ADAMTS17: variants seen among roughly 807,000 people sequenced by gnomAD.
The protein encoded by ADAMTS17 is A disintegrin and metalloproteinase with thrombospondin motifs 17.
Under a neutral mutation model 141.5 loss-of-function variants are expected in ADAMTS17, and 113 were observed. That is an observed-to-expected ratio of 0.80 (90% CI 0.69 to 0.93). The LOEUF is 0.93. ADAMTS17 is among the 40% of genes least tolerant of loss of function. The probability of loss-of-function intolerance (pLI) is 0.00; values close to 1 mark genes in which losing one functional copy is unlikely to be tolerated. For synonymous variants in ADAMTS17, 768 were observed against 630.6 expected (o/e 1.22, Z -3.27); for missense variants, 1,659 against 1,517.9 (o/e 1.09, Z -1.54).
At chr15:100,292,580 GAC>G (rs2142134179) in intron 3 of ADAMTS17, among the ~76,000 whole-genome samples, 1 of 152,310 alleles carries the variant, frequency 6.6e-6, no homozygotes, top group South Asian at 2.1e-4. Context: ...AATTATGAGA[GAC>G]ACTAACCCCG....
intron 10 of ADAMTS17, among the ~76,000 whole-genome samples, chr15:100,147,769 T>A (rs1481547512): frequency 6.6e-6 from 1 of 152,208 alleles, no homozygotes; most frequent in Non-Finnish European, 1.5e-5. Context: ...TAAACTAATG[T>A]ATTAGTTTCC....
intron 3 of ADAMTS17, among the ~76,000 whole-genome samples, chr15:100,330,333 G>A (rs1433779789): frequency 6.6e-6 from 1 of 152,162 alleles, no homozygotes; most frequent in Admixed American, 6.5e-5. Context: ...AAATCCCCTG[G>A]AGGACCCGTG....
chr15:100,188,817 C>G (rs936198047), intron 8 of ADAMTS17, among the ~76,000 whole-genome samples: 2 of 152,208 alleles, frequency 1.3e-5, no homozygotes, highest in Admixed American at 6.5e-5. Flanking sequence ...ACTGCACAGG[C>G]AGCAAACAAA....
At chr15:100,121,038 A>T (rs994679918) in intron 12 of ADAMTS17, among the ~76,000 whole-genome samples, 19 of 152,258 alleles carry the variant, frequency 1.2e-4, no homozygotes, top group African/African-American at 4.6e-4. Context: ...AAGAAAACAA[A>T]GATAAATTTT....
intron 10 of ADAMTS17, among the ~76,000 whole-genome samples, chr15:100,135,307 A>G (rs1473746218): frequency 7.3e-5 from 11 of 150,566 alleles, no homozygotes; most frequent in African/African-American, 2.7e-4. Flanking sequence ...TTTTTGAGAC[A>G]GAGTCTCGCT....
chr15:99,997,318 C>T lies in ADAMTS17; in HGVS notation c.2796+67G>A. The T allele has an allele frequency of 1.3e-6, 2 of 1,585,102 alleles. No homozygotes were observed. The highest frequency in any genetic ancestry group is 1.7e-6 in the Non-Finnish European group (2 of 1,156,454). On this transcript the variant is annotated intron_variant, in intron 19 of 21. Transcript: ENST00000268070. The surrounding 1 kb of genome is among the most constrained non-coding windows in gnomAD (Gnocchi z 4.7). ...CGAGGGCTGGGAGGCACCAGAATGT[C>T]ACCAATACCATGGCACCGTGTTGGA...
intron 10 of ADAMTS17, among the ~76,000 whole-genome samples, chr15:100,141,226 C>T (rs1054833290): frequency 6.6e-6 from 1 of 152,160 alleles, no homozygotes; most frequent in Non-Finnish European, 1.5e-5. Context: ...ATCCCTGGAG[C>T]GCTGTGAAAA....
intron 9 of ADAMTS17, 31 bp downstream of exon 9, chr15:100,155,149 A>G: frequency 3.1e-6 from 5 of 1,614,168 alleles, no homozygotes; most frequent in Non-Finnish European, 4.2e-6. Flanking sequence ...TTTTGATTGC[A>G]TTCATCCTAT....
At chr15:100,052,083 A>G (rs1403244512) in intron 16 of ADAMTS17, among the ~76,000 whole-genome samples, 1 of 152,386 alleles carries the variant, frequency 6.6e-6, no homozygotes, top group East Asian at 1.9e-4. Flanking sequence ...ACATTCCTGC[A>G]TGCTCACCCA....
intron 2 of ADAMTS17, among the ~76,000 whole-genome samples, chr15:100,333,812 T>C (rs1243812344): frequency 6.6e-6 from 1 of 152,254 alleles, no homozygotes; most frequent in Non-Finnish European, 1.5e-5. Context: ...GCTATGAGCC[T>C]GTGCCTTAGA....
chr15:99,993,143 G>T lies in ADAMTS17; in HGVS notation c.2854C>A (p.Gln952Lys). The stretch of plus-strand genomic sequence containing the variant: ...CTCGTGGATGCGTCGCATTTCCCTT[G>T]TGAGTTGGTGCACGCCACGGTCCGT... ...WKRTVACTNS[Q>K]GKCDASTRPR... is the part of the protein sequence containing the mutation. Residue 952 changes from glutamine to lysine, a missense_variant, in exon 20 of 22, where the codon CAA (glutamine) becomes AAA (lysine). By Grantham distance (53) the Gln-to-Lys change is moderately conservative. Coordinates refer to ENST00000268070, the MANE Select transcript of ADAMTS17 (RefSeq NM_139057.4). This position sits in a 1 kb window ranked among gnomAD's most constrained non-coding sequence, Gnocchi z 4.3. 6.2e-7 allele frequency: 1 copy of T among 1,614,158 alleles called. No homozygotes were observed. The highest frequency in any genetic ancestry group is 8.5e-7 in the Non-Finnish European group (1 of 1,180,036).
At chr15:100,168,050 G>A (rs930741261) in intron 8 of ADAMTS17, among the ~76,000 whole-genome samples, 6 of 152,208 alleles carry the variant, frequency 3.9e-5, no homozygotes, top group African/African-American at 1.2e-4. Context: ...CGAACAAGGC[G>A]GGTACGTGTT....
At chr15:100,277,803 T>C (rs534287707) in intron 4 of ADAMTS17, among the ~76,000 whole-genome samples, 4 of 152,336 alleles carry the variant, frequency 2.6e-5, no homozygotes, top group Admixed American at 1.3e-4. Context: ...CCCAAAAGAA[T>C]TGAAAGCAGG....
chr15:99,975,984 G>C, intron 21 of ADAMTS17, 61 bp downstream of exon 21: 2 of 1,498,506 alleles, frequency 1.3e-6, no homozygotes, highest in African/African-American at 2.8e-5. Context: ...CCGTCAGGGA[G>C]GACTTACTGG....
chr15:100,217,201 C>T (rs1389094498), intron 7 of ADAMTS17, among the ~76,000 whole-genome samples: 1 of 152,174 alleles, frequency 6.6e-6, no homozygotes, highest in Non-Finnish European at 1.5e-5. Flanking sequence ...AGGCAAGGAA[C>T]AGTCTTTTCA....
At chr15:100,156,276 G>A (rs186266016) in intron 8 of ADAMTS17, among the ~76,000 whole-genome samples, 255 of 152,252 alleles carry the variant, frequency 1.7e-3, no homozygotes, top group African/African-American at 5.8e-3. Context: ...ACCATCTTCC[G>A]TCAGCAACCC....
At chr15:100,196,479 C>A (rs973973147) in intron 8 of ADAMTS17, among the ~76,000 whole-genome samples, 4 of 152,244 alleles carry the variant, frequency 2.6e-5, no homozygotes, top group Admixed American at 6.5e-5. Flanking sequence ...TTACACCAAT[C>A]GCCCTACGAC....
intron 20 of ADAMTS17, among the ~76,000 whole-genome samples, chr15:99,985,986 C>T (rs558483211): frequency 6.6e-6 from 1 of 152,362 alleles, no homozygotes; most frequent in Non-Finnish European, 1.5e-5. Flanking sequence ...CCACTATAGC[C>T]AGCTCCTTGT....
chr15:100,176,368 G>A (rs1047219165), intron 8 of ADAMTS17, among the ~76,000 whole-genome samples: 50 of 152,152 alleles, frequency 3.3e-4, no homozygotes, highest in African/African-American at 1.2e-3. Context: ...GTCGCCTAAG[G>A]AGTTAAAAAA....
Sources: allele counts gnomAD v4.1 joint callset (sites outside exome capture counted in the v4.1 genomes callset), GRCh38; gene constraint gnomAD v4.1.1; non-coding constraint Gnocchi (gnomAD v3.1); transcripts MANE v1.5; gene names NCBI Gene and HGNC (gene_info 2026-07-23, HGNC 2026-07-21).